The following DYSF variants were observed in gnomAD, a reference collection of about 807,000 sequenced individuals.
DYSF encodes dysferlin, also known as dystrophy-associated fer-1-like 1.
DYSF carries 212 observed loss-of-function variants against 274.9 expected under a neutral mutation model. The observed-to-expected ratio is 0.77, with a 90% CI of 0.69 to 0.86. DYSF has a LOEUF of 0.86. Among genes scored for constraint, DYSF ranks in the 40% least tolerant of loss-of-function variants. DYSF has a pLI of 0.00. For missense variants in DYSF, 2,666 were observed against 2,783.2 expected (o/e 0.96, Z 0.95); for synonymous variants, 1,091 against 1,078.7 (o/e 1.01, Z -0.22).
chr2:71,618,573 T>TGGGGTAGAGTTGTGTTTGTGTG (rs2093998225), intron 40 of DYSF, among the ~76,000 whole-genome samples: 1 of 91,680 alleles, frequency 1.1e-5, no homozygotes, highest in African/African-American at 3.5e-5. Context: ...TGTGTTTGTG[T>TGGGGTAGAGTTGTGTTTGTGTG]GGGGTAGAGT....
At chr2:71,565,885 C>T (rs1247568330) in intron 24 of DYSF, among the ~76,000 whole-genome samples, 1 of 152,228 alleles carries the variant, frequency 6.6e-6, no homozygotes, top group East Asian at 1.9e-4. Context: ...CTCTCCCCAC[C>T]TCTCCCCTTT....
intron 30 of DYSF, among the ~76,000 whole-genome samples, chr2:71,577,914 C>G (rs2092765129): frequency 6.6e-6 from 1 of 152,124 alleles, no homozygotes; most frequent in Admixed American, 6.5e-5. Context: ...GTCCCTGATG[C>G]CTGGTGATTC....
chr2:71,653,136 C>T (rs1055293351), intron 42 of DYSF, among the ~76,000 whole-genome samples: 56 of 152,064 alleles, frequency 3.7e-4, no homozygotes, highest in African/African-American at 8.2e-4. Flanking sequence ...GTTAGAATGG[C>T]GATCATTAAA....
intron 31 of DYSF, 46 bp downstream of exon 31, chr2:71,589,732 C>T: frequency 6.6e-7 from 1 of 1,519,576 alleles, no homozygotes; most frequent in South Asian, 1.1e-5. Context: ...GGGTGTGTCA[C>T]CTTATGCTTC....
chr2:71,559,239 TA>T (rs1199414534), intron 22 of DYSF, among the ~76,000 whole-genome samples: 17 of 152,320 alleles, frequency 1.1e-4, no homozygotes, highest in Non-Finnish European at 2.1e-4. Context: ...CGTCTGGGGC[TA>T]CACATGTTGC....
intron 21 of DYSF, 91 bp downstream of exon 21, chr2:71,554,022 G>A: frequency 6.3e-7 from 1 of 1,582,782 alleles, no homozygotes; most frequent in Non-Finnish European, 8.6e-7. Context: ...ACCCACTGGT[G>A]CACACACTGA....
chr2:71,566,640 T>G (rs1009077210), intron 24 of DYSF, among the ~76,000 whole-genome samples: 15 of 139,512 alleles, frequency 1.1e-4, no homozygotes, highest in Admixed American at 2.1e-4. Context: ...GAGCCGGGGG[T>G]GGATGGGGGA....
chr2:71,666,644 C>T (rs1240715400), intron 47 of DYSF, among the ~76,000 whole-genome samples: 1 of 152,196 alleles, frequency 6.6e-6, no homozygotes, highest in Non-Finnish European at 1.5e-5. Flanking sequence ...CCTGTAGCAC[C>T]AGTTTTTGAC....
chr2:71,457,179 C>G (rs72913379), intron 1 of DYSF, among the ~76,000 whole-genome samples: 2,552 of 152,262 alleles, frequency 0.017, 76 homozygotes, highest in African/African-American at 0.059. Context: ...ACTGTTCTAA[C>G]TAGAACATTA....
At chr2:71,594,271 T>A (rs1194182810) in intron 32 of DYSF, among the ~76,000 whole-genome samples, 2 of 152,152 alleles carry the variant, frequency 1.3e-5, no homozygotes, top group Non-Finnish European at 2.9e-5. Context: ...CAGCTTTTTG[T>A]TAAGGTTGGC....
At chr2:71,608,839 T>A (rs1347748304) in intron 36 of DYSF, among the ~76,000 whole-genome samples, 2 of 151,988 alleles carry the variant, frequency 1.3e-5, no homozygotes, top group East Asian at 3.9e-4. Context: ...TATTCATGAG[T>A]TTTCCTTAGT....
At chr2:71,664,059 C>A (rs2094951973) in intron 45 of DYSF, among the ~76,000 whole-genome samples, 2 of 152,220 alleles carry the variant, frequency 1.3e-5, no homozygotes, top group Admixed American at 1.3e-4. Flanking sequence ...TTATGCCCAG[C>A]ACAGTTTATT....
chr2:71,673,163 A>T (rs546093883), intron 51 of DYSF, among the ~76,000 whole-genome samples: 1 of 152,298 alleles, frequency 6.6e-6, no homozygotes, highest in East Asian at 1.9e-4. Flanking sequence ...GGGTGGTCAC[A>T]CTGTTTCCTG....
intron 22 of DYSF, among the ~76,000 whole-genome samples, chr2:71,560,401 C>G (rs1052691129): frequency 3.9e-5 from 2 of 51,408 alleles, no homozygotes; most frequent in African/African-American, 1.6e-4. Flanking sequence ...CCCACTCAGG[C>G]CTGGTTCCCA....
chr2:71,540,197 G>A (rs1399913519), intron 17 of DYSF, among the ~76,000 whole-genome samples: 2 of 147,294 alleles, frequency 1.4e-5, no homozygotes, highest in African/African-American at 5.1e-5. Context: ...TGCAATCTCC[G>A]CCTCCCCAGT....
intron 40 of DYSF, among the ~76,000 whole-genome samples, chr2:71,618,600 AG>A (rs2094002247): frequency 2.1e-5 from 1 of 47,394 alleles, no homozygotes; most frequent in Non-Finnish European, 5.4e-5. Flanking sequence ...TGTGTGGTAG[AG>A]GTGGTGGGTG....
At position 71,481,918 on chromosome 2, in the gene DYSF, G is replaced by A. The variant is rs1302637648; in HGVS notation, c.187G>A (p.Gly63Ser). 2 of 1,614,168 alleles carry A rather than the reference G, an allele frequency of 1.2e-6. No individual in the cohort carries two copies. The highest frequency in any genetic ancestry group is 4.5e-5 in the East Asian group (2 of 44,874). Residue 63 changes from glycine (G) to serine (S), a missense_variant, in exon 3 of 56, where the codon GGC (glycine) becomes AGC (serine). Physicochemically the swap from Gly to Ser is moderately conservative, Grantham distance 56. Around this residue, in one of 3 missense-constraint regions of DYSF, gnomAD observed 794 missense variants for 777.1 expected, o/e 1.02. Coordinates refer to ENST00000410020, the MANE Select transcript of DYSF (RefSeq NM_001130987.2). Reference sequence around the variant, plus strand: ...CCTCAAGGGCATCCCCCTGGACCAGGGCTCTGAGCTTCATGTGGTGGTCAA... The same window carrying A: ...CCTCAAGGGCATCCCCCTGGACCAGAGCTCTGAGCTTCATGTGGTGGTCAA... ...WDLKGIPLDQ[G>S]SELHVVVKDH...
intron 41 of DYSF, among the ~76,000 whole-genome samples, chr2:71,636,382 G>A (rs935628852): frequency 2.0e-5 from 3 of 152,090 alleles, no homozygotes; most frequent in Non-Finnish European, 2.9e-5. Flanking sequence ...GGACTGGGGC[G>A]GTAGTGACAG....
At chr2:71,685,138 ATTTCC>A (rs2095341167) in intron 55 of DYSF, among the ~76,000 whole-genome samples, 1 of 152,152 alleles carries the variant, frequency 6.6e-6, no homozygotes, top group African/African-American at 2.4e-5. Flanking sequence ...GGAAGGAAAG[ATTTCC>A]AGTCACTTCC....
Sources: allele counts gnomAD v4.1 joint callset (sites outside exome capture counted in the v4.1 genomes callset), GRCh38; gene constraint gnomAD v4.1.1; regional missense constraint gnomAD v4.1.1; transcripts MANE v1.5; gene names NCBI Gene and HGNC (gene_info 2026-07-23, HGNC 2026-07-21).